The following MBD5 variants were observed in gnomAD, a reference collection of about 807,000 sequenced individuals.
The protein encoded by MBD5 is methyl-CpG binding domain protein 5.
A neutral mutation model predicts 117.3 loss-of-function variants in MBD5; 13 were observed. The ratio of observed to expected loss-of-function variants is 0.11; its 90% CI spans 0.07 to 0.18. The LOEUF (loss-of-function observed/expected upper bound fraction) is 0.18, where lower values mean the gene tolerates loss of function less well. Ranked by LOEUF, MBD5 falls within the 10% of genes least tolerant of loss-of-function variation. The pLI is 1.00. For missense variants in MBD5, 1,879 were observed against 2,093.8 expected (o/e 0.90, Z 2.00); for synonymous variants, 727 against 766.4 (o/e 0.95, Z 0.85).
In MBD5 at chr2:148,282,903, C is replaced by CG. The variant is rs1248334939; in HGVS notation, c.-680+49508_-680+49509insG. Among the ~76,000 whole-genome samples, 3 of 144,272 alleles carry CG rather than the reference C, an allele frequency of 2.1e-5. No individual in the cohort carries two copies. In the Admixed American group the frequency reaches 2.1e-4, roughly 10 times the overall value. The allele number at this position is 144,272 out of a possible 152,430, so 94.6% of individuals were successfully genotyped here. ...ACTGACTTTTAAGACTTAACCGCCCCCCCCCATCAGATGCAATTATTAGTT... is the reference window on the plus strand; with the variant it reads ...ACTGACTTTTAAGACTTAACCGCCCCGCCCCCATCAGATGCAATTATTAGTT... On this transcript the variant is annotated intron_variant, in intron 3 of 13. Transcript: ENST00000642680.
intron 1 of MBD5, among the ~76,000 whole-genome samples, chr2:148,140,736 T>C (rs1697293215): frequency 6.6e-6 from 1 of 152,132 alleles, no homozygotes; most frequent in African/African-American, 2.4e-5. Flanking sequence ...TCTTAAGTAA[T>C]GTGAACTTTA....
At chr2:148,445,845 T>C (rs1225026663) in intron 4 of MBD5, among the ~76,000 whole-genome samples, 2 of 151,502 alleles carry the variant, frequency 1.3e-5, no homozygotes, top group Non-Finnish European at 2.9e-5. Flanking sequence ...TGTGAGATGG[T>C]ATCTCACTGT....
intron 4 of MBD5, among the ~76,000 whole-genome samples, chr2:148,386,381 G>C (rs548076168): frequency 6.6e-6 from 1 of 152,196 alleles, no homozygotes; most frequent in African/African-American, 2.4e-5. Context: ...GATTAAAAAA[G>C]GGAAGCACAC....
At chr2:148,256,740 A>G (rs1162249682) in intron 3 of MBD5, among the ~76,000 whole-genome samples, 1 of 152,230 alleles carries the variant, frequency 6.6e-6, no homozygotes, top group African/African-American at 2.4e-5. Flanking sequence ...CCTATCGAGA[A>G]TGGGGGGACA....
chr2:148,178,630 T>A (rs956623269), intron 1 of MBD5, 70 bp from the exon 2 acceptor site: 2 of 393,882 alleles, frequency 5.1e-6, no homozygotes, highest in African/African-American at 4.1e-5. Context: ...TCAATTTTTT[T>A]ATATTTAAAC....
intron 11 of MBD5, among the ~76,000 whole-genome samples, chr2:148,493,250 C>G (rs946319558): frequency 6.6e-6 from 1 of 152,200 alleles, no homozygotes; most frequent in Non-Finnish European, 1.5e-5. Context: ...TACATTATCA[C>G]TTTAAACTTT....
intron 3 of MBD5, among the ~76,000 whole-genome samples, chr2:148,314,376 G>GTT (rs67471940): frequency 0.18 from 19,683 of 106,488 alleles, 2,506 homozygotes; most frequent in Admixed American, 0.2. Context: ...CAGTGTTATG[G>GTT]TTTTTTTTTT....
chr2:148,233,789 T>C (rs906378479), intron 3 of MBD5, among the ~76,000 whole-genome samples: 4 of 152,222 alleles, frequency 2.6e-5, no homozygotes, highest in African/African-American at 4.8e-5. Flanking sequence ...GAGTTAGTCA[T>C]ACTATTTATG....
At chr2:148,399,769 A>T (rs1704857022) in intron 4 of MBD5, among the ~76,000 whole-genome samples, 1 of 152,274 alleles carries the variant, frequency 6.6e-6, no homozygotes. Flanking sequence ...TTGCCCATTC[A>T]GTATGATATT....
chr2:148,369,122 T>C (rs1703784158), intron 4 of MBD5, among the ~76,000 whole-genome samples: 1 of 151,926 alleles, frequency 6.6e-6, no homozygotes, highest in Non-Finnish European at 1.5e-5. Flanking sequence ...ATTCAACATG[T>C]GGTAAAAATT....
rs114350273 is a variant in MBD5, at chr2:148,123,288, A to C, written c.-924-55412A>C. 3.3e-3 allele frequency among the ~76,000 whole-genome samples: 496 copies of C among 152,376 alleles called. 4 individuals carry two copies. The highest frequency in any genetic ancestry group is 0.011 in the African/African-American group (466 of 41,588). ...ACATGAACAGATATATGTCTTAAGA[A>C]AATGACTATGATATGAATTGACATG... is the stretch of plus-strand genomic sequence containing the variant. On this transcript the variant is annotated intron_variant, in intron 1 of 13. Transcript: ENST00000642680.
At chr2:148,403,944 G>A (rs555705906) in intron 4 of MBD5, among the ~76,000 whole-genome samples, 1 of 151,596 alleles carries the variant, frequency 6.6e-6, no homozygotes, top group South Asian at 2.1e-4. Flanking sequence ...CTAAAAGTTT[G>A]CCATTTCAAA....
intron 4 of MBD5, among the ~76,000 whole-genome samples, chr2:148,411,512 C>CTGTTTT (rs1705248053): frequency 1.0e-5 from 1 of 97,448 alleles, no homozygotes; most frequent in Non-Finnish European, 1.9e-5. Flanking sequence ...AGCATCTGTT[C>CTGTTTT]TTTTTTTTTT....
At chr2:148,231,008 G>A (rs1359976597) in intron 2 of MBD5, among the ~76,000 whole-genome samples, 1 of 152,084 alleles carries the variant, frequency 6.6e-6, no homozygotes, top group East Asian at 1.9e-4. Context: ...ATAGCCTGTG[G>A]TTAGGAGGAG....
At chr2:148,197,747 T>C (rs970535298) in intron 2 of MBD5, among the ~76,000 whole-genome samples, 1 of 151,988 alleles carries the variant, frequency 6.6e-6, no homozygotes, top group Non-Finnish European at 1.5e-5. Context: ...ATTTATTTCC[T>C]TAGGCACTAT....
intron 1 of MBD5, among the ~76,000 whole-genome samples, chr2:148,096,553 G>C (rs1272427502): frequency 6.6e-6 from 1 of 152,120 alleles, no homozygotes. Flanking sequence ...CTTGAACCTG[G>C]ATGTTCTGAC....
At chr2:148,399,881 C>T (rs1029131190) in intron 4 of MBD5, among the ~76,000 whole-genome samples, 3 of 152,074 alleles carry the variant, frequency 2.0e-5, no homozygotes, top group Non-Finnish European at 4.4e-5. Context: ...TGAATTTTGT[C>T]GAAGGCCTTT....
At position 148,490,239 on chromosome 2, in the gene MBD5, A is replaced by G. The variant is rs1681480082; in HGVS notation, c.4607A>G (p.Glu1536Gly). The G allele has an allele frequency of 9.9e-6, 16 of 1,614,210 alleles. No homozygotes were observed. Among genetic ancestry groups the G allele is most frequent in the Non-Finnish European group, 1.4e-5 (16 of 1,180,040 alleles). Residue 1536 changes from glutamate to glycine, a missense_variant, in exon 11 of 14, where the codon GAG becomes GGG. Around this residue, in one of 4 missense-constraint regions of MBD5, gnomAD observed 1,666 missense variants for 1,792.2 expected, o/e 0.93. Transcript: ENST00000642680. ...NRPRQSRGFG[E>G]LLSTAKQDLV... is the part of the protein sequence containing the mutation. Reference sequence around the variant, plus strand: ...CCTCGACAGAGTCGGGGATTTGGAGAGCTGCTAAGCACTGCAAAGCAAGAC... The same window carrying G: ...CCTCGACAGAGTCGGGGATTTGGAGGGCTGCTAAGCACTGCAAAGCAAGAC...
rs752833995 is a variant in MBD5 at position 148,452,888 on chromosome 2, A to G, written c.-556-5315A>G. Among the ~76,000 whole-genome samples, 47 of 152,204 alleles carry G rather than the reference A, an allele frequency of 3.1e-4. 1 individual carries two copies. Among genetic ancestry groups the G allele is most frequent in the South Asian group, 6.2e-4 (3 of 4,836 alleles). On this transcript the variant is annotated intron_variant, in intron 4 of 13. Transcript: ENST00000642680. ...CTCTTTTGCTATTTTATCAACATGC[A>G]TAGTCATTGGCTTCTTTTAAAAACC...
Sources: allele counts gnomAD v4.1 joint callset (sites outside exome capture counted in the v4.1 genomes callset), GRCh38; gene constraint gnomAD v4.1.1; regional missense constraint gnomAD v4.1.1; transcripts MANE v1.5; gene names NCBI Gene and HGNC (gene_info 2026-07-23, HGNC 2026-07-21).